The following STK3 variants were observed in gnomAD, a reference collection of about 807,000 sequenced individuals.
STK3 encodes serine/threonine-protein kinase 3.
Under a neutral mutation model 58.0 loss-of-function variants are expected in STK3, and 41 were observed. The observed-to-expected ratio is 0.71, with a 90% CI of 0.55 to 0.92. STK3 has a LOEUF of 0.92. Ranked by LOEUF, STK3 falls within the 40% of genes least tolerant of loss-of-function variation. STK3 has a pLI of 0.00. For missense variants in STK3, 479 were observed against 602.7 expected, an observed-to-expected ratio of 0.79 and a Z score of 2.15; for synonymous variants, 170 against 191.0, an observed-to-expected ratio of 0.89 and a Z score of 0.91.
chr8:98,709,492 C>A (rs1419615336), intron 4 of STK3, among the ~76,000 whole-genome samples: 1 of 152,132 alleles, frequency 6.6e-6, no homozygotes, highest in Admixed American at 6.5e-5. Context: ...GACAAAGTTA[C>A]CACAAAACAA....
At chr8:98,344,611 C>T in the STK3 span, among the ~76,000 whole-genome samples, 2 of 149,526 alleles carry the variant, frequency 1.3e-5, no homozygotes, top group South Asian at 2.1e-4. Context: ...ATGGGACCCT[C>T]GGCCGGGCGC....
intron 2 of STK3, among the ~76,000 whole-genome samples, chr8:98,771,905 A>T (rs1587574710): frequency 6.6e-6 from 1 of 151,682 alleles, no homozygotes; most frequent in African/African-American, 2.4e-5. Context: ...ATCATTTCTA[A>T]TTTTTTTTCT....
chr8:98,733,219 A>G (rs1452098106), intron 4 of STK3, among the ~76,000 whole-genome samples: 1 of 152,234 alleles, frequency 6.6e-6, no homozygotes, highest in Non-Finnish European at 1.5e-5. Context: ...GAAAAAAGAA[A>G]AACACCTGCC....
At chr8:98,371,807 AC>A (rs1453271360) in intron 2 of STK3, 1 of 152,060 alleles carries the variant, frequency 6.6e-6, no homozygotes, top group East Asian at 1.9e-4. Flanking sequence ...CAGTACTTTT[AC>A]CCTATACCAA....
At chr8:98,684,447 A>G (rs1823843327) in intron 6 of STK3, among the ~76,000 whole-genome samples, 1 of 152,330 alleles carries the variant, frequency 6.6e-6, no homozygotes, top group East Asian at 1.9e-4. Flanking sequence ...AAGTTCCTTA[A>G]GTAACAATAG....
intron 9 of STK3, among the ~76,000 whole-genome samples, chr8:98,540,715 G>T (rs1225804605): frequency 1.3e-5 from 2 of 152,048 alleles, no homozygotes; most frequent in Admixed American, 1.3e-4. Context: ...TATCATAGAG[G>T]CTAGAGAGCT....
intron 6 of STK3, among the ~76,000 whole-genome samples, chr8:98,681,494 T>C (rs1409078085): frequency 1.3e-5 from 2 of 152,326 alleles, no homozygotes; most frequent in South Asian, 4.1e-4. Flanking sequence ...GCCTATCTGG[T>C]GGTCCTGACC....
chr8:98,730,715 CAAAAAAAA>C (rs36085293), intron 4 of STK3, among the ~76,000 whole-genome samples: 8 of 66,382 alleles, frequency 1.2e-4, no homozygotes, highest in African/African-American at 4.8e-4. Context: ...GACTCCGTCT[CAAAAAAAA>C]AAAAAAAAAA....
chr8:98,843,921 G>A (rs113598806), intron 3 of STK3, among the ~76,000 whole-genome samples: 1,613 of 152,314 alleles, frequency 0.011, 25 homozygotes, highest in African/African-American at 0.035. Flanking sequence ...AGCGCTTTGG[G>A]AGGCCGAGTG....
chr8:98,720,781 G>T (rs894150266), intron 4 of STK3, among the ~76,000 whole-genome samples: 1 of 151,690 alleles, frequency 6.6e-6, no homozygotes, highest in South Asian at 2.1e-4. Flanking sequence ...AAAAACTGGG[G>T]GTTTTGAGAC....
At chr8:98,413,315 T>C in intron 3 of STK3, 1 of 480,856 alleles carries the variant, frequency 2.1e-6, no homozygotes, top group Non-Finnish European at 4.1e-6. Flanking sequence ...ATGCCTGGCC[T>C]AATTTTGTTT....
At chr8:98,869,030 GGAAGGAA>G (rs1837254153) in intron 3 of STK3, among the ~76,000 whole-genome samples, 1 of 73,340 alleles carries the variant, frequency 1.4e-5, no homozygotes, top group Non-Finnish European at 3.0e-5. Context: ...AAAGAAGGAA[GGAAGGAA>G]GGAAGGAAGG....
intron 3 of STK3, among the ~76,000 whole-genome samples, chr8:98,867,833 A>G (rs189285035): frequency 6.6e-6 from 1 of 152,370 alleles, no homozygotes; most frequent in East Asian, 1.9e-4. Flanking sequence ...AATGCAGCAC[A>G]TGCCAGGGCC....
intron 4 of STK3, among the ~76,000 whole-genome samples, chr8:98,742,111 TC>T (rs1489671965): frequency 6.6e-6 from 1 of 150,762 alleles, no homozygotes; most frequent in Non-Finnish European, 1.5e-5. Context: ...CCAAAAAGAG[TC>T]CAGGACCAGA....
At chr8:98,597,727 G>C in intron 6 of STK3, 2 of 985,022 alleles carry the variant, frequency 2.0e-6, no homozygotes, top group Middle Eastern at 5.2e-4. Flanking sequence ...TTATGTGATG[G>C]TCCCTTTAAA....
At chr8:98,919,237 T>C (rs1839459066) in intron 1 of STK3, among the ~76,000 whole-genome samples, 1 of 152,216 alleles carries the variant, frequency 6.6e-6, no homozygotes, top group Admixed American at 6.5e-5. Context: ...ATTTTGAGGC[T>C]AATGTCTCTA....
chr8:98,411,023 C>T (rs1414170744), intron 3 of STK3, among the ~76,000 whole-genome samples: 2 of 152,190 alleles, frequency 1.3e-5, no homozygotes, highest in East Asian at 1.9e-4. Flanking sequence ...GAAAGTCTGA[C>T]CAATTGGTTT....
At chr8:98,531,811 T>C (rs1316818165) in intron 9 of STK3, among the ~76,000 whole-genome samples, 2 of 152,234 alleles carry the variant, frequency 1.3e-5, no homozygotes, top group African/African-American at 2.4e-5. Flanking sequence ...TTTGTACTTG[T>C]ATGGTCTGGA....
At chr8:98,457,961 G>A (rs1048829447) in intron 10 of STK3, among the ~76,000 whole-genome samples, 7 of 152,074 alleles carry the variant, frequency 4.6e-5, no homozygotes, top group Non-Finnish European at 7.4e-5. Flanking sequence ...TTATCAATGC[G>A]TAAAATTTGT....
Sources: gnomAD v4.1 joint callset for allele counts (sites outside exome capture counted in the v4.1 genomes callset) on GRCh38, gnomAD v4.1.1 for gene constraint, MANE v1.5 for transcripts, NCBI Gene and HGNC (gene_info 2026-07-23, HGNC 2026-07-21) for gene names.